The following WWOX variants were observed in gnomAD, a reference collection of about 807,000 sequenced individuals.
WWOX encodes the protein WW domain-containing oxidoreductase.
WWOX carries 69 observed loss-of-function variants against 46.2 expected under a neutral mutation model. The ratio of observed to expected loss-of-function variants is 1.49; its 90% confidence interval spans 1.23 to 1.82. The LOEUF (loss-of-function observed/expected upper bound fraction) is 1.82, where lower values mean the gene tolerates loss of function less well. Among genes scored for constraint, WWOX ranks in the 40% most tolerant of loss-of-function variants. WWOX has a pLI of 0.00. For missense variants in WWOX, 919 were observed against 542.6 expected (o/e 1.69, Z -6.89); for synonymous variants, 359 against 202.6 (o/e 1.77, Z -6.56).
At chr16:78,936,567 T>G (rs560569075) in intron 8 of WWOX, among the ~76,000 whole-genome samples, 9 of 152,134 alleles carry the variant, frequency 5.9e-5, no homozygotes, top group Non-Finnish European at 1.3e-4. Context: ...ATTTCAGAAT[T>G]CCAGGACGTC....
Position 79,028,108 on chromosome 16 carries a change from G to A in WWOX, c.1057-183500G>A, listed in dbSNP as rs565346978. Among the ~76,000 whole-genome samples, 42 of 151,766 alleles carry A rather than the reference G, an allele frequency of 2.8e-4. 1 individual carries two copies. Among genetic ancestry groups the A allele is most frequent in the African/African-American group, 9.5e-4 (39 of 41,140 alleles). ...TGAGACTACAGGCACCTGCCACGAC[G>A]CCTGGCTAATTTTTGTATTTTCAGC... On this transcript the variant is annotated intron_variant, in intron 8 of 8. Coordinates refer to ENST00000566780, the MANE Select transcript of WWOX (RefSeq NM_016373.4).
chr16:78,419,079 T>G (rs8060852), intron 6 of WWOX, among the ~76,000 whole-genome samples: 2 of 152,130 alleles, frequency 1.3e-5, no homozygotes, highest in Admixed American at 6.5e-5. Context: ...AATATTAAAA[T>G]GAACAGGTTC....
chr16:78,420,578 T>C (rs1334880313), intron 6 of WWOX, among the ~76,000 whole-genome samples: 1 of 148,322 alleles, frequency 6.7e-6, no homozygotes, highest in Non-Finnish European at 1.5e-5. Context: ...GGCGAATCTA[T>C]AGGACAGAAA....
intron 5 of WWOX, among the ~76,000 whole-genome samples, chr16:78,380,372 C>T (rs2081927473): frequency 1.3e-5 from 2 of 152,150 alleles, no homozygotes; most frequent in African/African-American, 4.8e-5. Context: ...TCAGCTTCTC[C>T]ATCTGTGAAA....
intron 8 of WWOX, chr16:78,996,337 A>G: frequency 9.1e-6 from 9 of 984,104 alleles, no homozygotes; most frequent in Non-Finnish European, 1.1e-5. Flanking sequence ...AGAAGATAGA[A>G]AGGATGAAAT....
intron 8 of WWOX, among the ~76,000 whole-genome samples, chr16:78,450,120 C>T (rs576369401): frequency 6.6e-6 from 1 of 152,072 alleles, no homozygotes; most frequent in Non-Finnish European, 1.5e-5. Context: ...TGTTATAAAG[C>T]CAACCATGTT....
chr16:79,125,936 G>T (rs1323637238), intron 8 of WWOX, among the ~76,000 whole-genome samples: 2 of 152,212 alleles, frequency 1.3e-5, no homozygotes, highest in Non-Finnish European at 2.9e-5. Flanking sequence ...TGTCATCTCT[G>T]TGAGTGCAGG....
intron 8 of WWOX, among the ~76,000 whole-genome samples, chr16:78,878,262 G>C (rs1226913130): frequency 6.6e-6 from 1 of 152,152 alleles, no homozygotes; most frequent in Non-Finnish European, 1.5e-5. Flanking sequence ...GAGCTTGTCT[G>C]AGTTACAATA....
intron 8 of WWOX, among the ~76,000 whole-genome samples, chr16:79,020,397 A>G (rs2047510022): frequency 6.6e-6 from 1 of 152,178 alleles, no homozygotes. Flanking sequence ...TAATAGCTGT[A>G]TCACCATGAG....
At chr16:78,642,780 C>T (rs139263795) in intron 8 of WWOX, among the ~76,000 whole-genome samples, 2 of 152,264 alleles carry the variant, frequency 1.3e-5, no homozygotes, top group East Asian at 3.9e-4. Context: ...GGGCGTGAGG[C>T]ACACTCATGA....
intron 8 of WWOX, among the ~76,000 whole-genome samples, chr16:78,746,665 G>T (rs2049354577): frequency 6.6e-6 from 1 of 151,678 alleles, no homozygotes; most frequent in Non-Finnish European, 1.5e-5. Flanking sequence ...TTGCATGATT[G>T]GCTTTGTACT....
At chr16:78,226,942 T>G (rs1056462125) in intron 5 of WWOX, among the ~76,000 whole-genome samples, 1 of 152,314 alleles carries the variant, frequency 6.6e-6, no homozygotes, top group Admixed American at 6.5e-5. Context: ...AAAGAGGTGT[T>G]TCTTTTGACA....
chr16:78,959,355 A>T (rs2046229986), intron 8 of WWOX, among the ~76,000 whole-genome samples: 1 of 152,248 alleles, frequency 6.6e-6, no homozygotes, highest in Non-Finnish European at 1.5e-5. Flanking sequence ...GGCCCTGAGA[A>T]AGCAAAGAGA....
At chr16:78,226,048 G>C (rs901156762) in intron 5 of WWOX, among the ~76,000 whole-genome samples, 1 of 152,080 alleles carries the variant, frequency 6.6e-6, no homozygotes, top group East Asian at 1.9e-4. Context: ...CGAAAACTTG[G>C]CATGTTGGCT....
intron 5 of WWOX, among the ~76,000 whole-genome samples, chr16:78,261,758 A>G (rs1054111487): frequency 8.0e-5 from 7 of 87,028 alleles, no homozygotes; most frequent in African/African-American, 1.8e-4. Flanking sequence ...GTGTCTGTCT[A>G]TCTATCTATC....
intron 8 of WWOX, among the ~76,000 whole-genome samples, chr16:78,742,350 GA>G (rs1567529781): frequency 1.3e-5 from 2 of 152,306 alleles, no homozygotes; most frequent in Admixed American, 1.3e-4. Context: ...GCAGCAGCAG[GA>G]CAGAGCCCCA....
At chr16:79,008,038 C>T (rs1263912731) in intron 8 of WWOX, among the ~76,000 whole-genome samples, 4 of 152,204 alleles carry the variant, frequency 2.6e-5, no homozygotes, top group Non-Finnish European at 1.5e-5. Flanking sequence ...GACTTCTGCT[C>T]AGGGTCTCAT....
At chr16:79,053,229 C>T (rs1054887648) in intron 8 of WWOX, among the ~76,000 whole-genome samples, 1 of 152,108 alleles carries the variant, frequency 6.6e-6, no homozygotes, top group African/African-American at 2.4e-5. Flanking sequence ...TTTATTATTG[C>T]ACACATACGT....
intron 5 of WWOX, among the ~76,000 whole-genome samples, chr16:78,244,075 C>T (rs79192050): frequency 1.4e-3 from 214 of 152,332 alleles, no homozygotes; most frequent in African/African-American, 4.8e-3. Flanking sequence ...GTGGCTGGAA[C>T]ACCTCCTGCT....
Sources: gnomAD v4.1 joint callset for allele counts (sites outside exome capture counted in the v4.1 genomes callset) on GRCh38, gnomAD v4.1.1 for gene constraint, MANE v1.5 for transcripts, NCBI Gene and HGNC (gene_info 2026-07-23, HGNC 2026-07-21) for gene names.